Variants in IGF1R observed in about 807,000 individuals in gnomAD.
The protein encoded by IGF1R is insulin like growth factor 1 receptor.
In IGF1R, 44 loss-of-function variants were observed where a neutral mutation model predicts 144.6. That is an observed-to-expected ratio of 0.30 (90% CI 0.24 to 0.39). The LOEUF (loss-of-function observed/expected upper bound fraction) is 0.39, where lower values mean the gene tolerates loss of function less well. Ranked by LOEUF, IGF1R falls within the 10% of genes least tolerant of loss-of-function variation. IGF1R has a pLI of 1.00. For missense variants in IGF1R, 1,355 were observed against 1,833.7 expected (o/e 0.74, Z 4.77); for synonymous variants, 795 against 722.8 (o/e 1.10, Z -1.60).
intron 2 of IGF1R, among the ~76,000 whole-genome samples, chr15:98,754,330 T>C (rs1261639675): frequency 6.6e-6 from 1 of 152,236 alleles, no homozygotes; most frequent in Non-Finnish European, 1.5e-5. Context: ...TACTAGTGCT[T>C]CCTTTTTGTC....
chr15:98,699,088 C>T (rs10438474), intron 1 of IGF1R, among the ~76,000 whole-genome samples: 1,741 of 152,310 alleles, frequency 0.011, 28 homozygotes, highest in African/African-American at 0.04. Context: ...TTGAAAGTCA[C>T]GAGAGAGAGG....
At chr15:98,929,179 G>C (rs1420443219) in intron 13 of IGF1R, among the ~76,000 whole-genome samples, 4 of 151,980 alleles carry the variant, frequency 2.6e-5, no homozygotes, top group Non-Finnish European at 5.9e-5. Context: ...TGGGTACCGG[G>C]GACATGGACC....
At chr15:98,666,857 GT>G (rs2052755020) in intron 1 of IGF1R, among the ~76,000 whole-genome samples, 1 of 152,194 alleles carries the variant, frequency 6.6e-6, no homozygotes, top group Non-Finnish European at 1.5e-5. Context: ...ATCAGTGTCA[GT>G]GAACTATACA....
intron 1 of IGF1R, among the ~76,000 whole-genome samples, chr15:98,698,288 C>T (rs1403321494): frequency 3.3e-5 from 5 of 152,212 alleles, no homozygotes; most frequent in East Asian, 1.9e-4. Flanking sequence ...CCGCCTGCCT[C>T]GGCCTCCCAA....
At chr15:98,939,169 T>G in intron 17 of IGF1R, 32 bp from the exon 18 acceptor site, 2 of 1,603,854 alleles carry the variant, frequency 1.2e-6, no homozygotes. Context: ...AAATCCAAAA[T>G]TCTCATGTGA....
chr15:98,941,598 G>A (rs1197865159), intron 18 of IGF1R, among the ~76,000 whole-genome samples: 7 of 152,200 alleles, frequency 4.6e-5, no homozygotes, highest in Admixed American at 1.3e-4. Flanking sequence ...TTAATTCACA[G>A]ATAACACTTT....
chr15:98,693,293 G>A (rs1054767282), intron 1 of IGF1R, among the ~76,000 whole-genome samples: 18 of 152,212 alleles, frequency 1.2e-4, no homozygotes, highest in Admixed American at 1.2e-3. Flanking sequence ...CCTTGGAGTA[G>A]TGCCATTTCC....
chr15:98,708,543 A>G (rs2053920776), intron 2 of IGF1R, among the ~76,000 whole-genome samples: 1 of 152,208 alleles, frequency 6.6e-6, no homozygotes, highest in Non-Finnish European at 1.5e-5. Flanking sequence ...TTTGTTCTGC[A>G]GGACTTCCTT....
intron 1 of IGF1R, among the ~76,000 whole-genome samples, chr15:98,684,404 G>A (rs536934544): frequency 3.2e-4 from 49 of 151,554 alleles, no homozygotes; most frequent in Middle Eastern, 3.4e-3. Context: ...TTGCTAATGG[G>A]GGAGGTGGGG....
At chr15:98,651,203 G>A in intron 1 of IGF1R, 2 of 262,038 alleles carry the variant, frequency 7.6e-6, no homozygotes, top group Non-Finnish European at 1.2e-5. Flanking sequence ...CCCCATCACC[G>A]GGGCAATTCA....
chr15:98,707,493 A>G lies in IGF1R; in HGVS notation c.95-69A>G, dbSNP rs185348218. On this transcript the variant is annotated intron_variant, in intron 1 of 20. Transcript: ENST00000650285. This position sits in a 1 kb window ranked among gnomAD's most constrained non-coding sequence, Gnocchi z 6.7. ...AGGATTCCTGAAAACCAACTGTATT[A>G]TTGTTTGGAAAATAGTTTAAAAATT... is the stretch of plus-strand genomic sequence containing the variant. The G allele has an allele frequency of 6.9e-6, 10 of 1,445,116 alleles. No individual in the cohort carries two copies. The highest frequency in any genetic ancestry group is 1.9e-4 in the Middle Eastern group (1 of 5,398). The allele number at this position is 1,445,116 out of a possible 1,614,324, so 89.5% of individuals were successfully genotyped here.
At chr15:98,778,230 A>G (rs991201096) in intron 2 of IGF1R, among the ~76,000 whole-genome samples, 1 of 152,194 alleles carries the variant, frequency 6.6e-6, no homozygotes, top group Admixed American at 6.5e-5. Context: ...GTCATGCCAC[A>G]TGGTGACTGG....
intron 1 of IGF1R, among the ~76,000 whole-genome samples, chr15:98,654,587 A>T (rs1179263479): frequency 6.6e-6 from 1 of 152,154 alleles, no homozygotes; most frequent in Admixed American, 6.5e-5. Flanking sequence ...AGCATACAAG[A>T]TACATTTCTT....
chr15:98,939,646 G>C (rs45464492), intron 18 of IGF1R, among the ~76,000 whole-genome samples: 2,040 of 152,304 alleles, frequency 0.013, 31 homozygotes, highest in Non-Finnish European at 0.023. Flanking sequence ...CTTAGCATTG[G>C]TTACAGAAAT....
intron 2 of IGF1R, among the ~76,000 whole-genome samples, chr15:98,761,683 C>A (rs948444918): frequency 6.6e-6 from 1 of 152,244 alleles, no homozygotes; most frequent in African/African-American, 2.4e-5. Context: ...CATCCAGTGG[C>A]TTAGTGGTCT....
Position 98,707,487 on chromosome 15 carries a change from T to G in IGF1R, c.95-75T>G. On this transcript the variant is annotated intron_variant, in intron 1 of 20. Coordinates refer to ENST00000650285, the MANE Select transcript of IGF1R (RefSeq NM_000875.5). This position sits in a 1 kb window ranked among gnomAD's most constrained non-coding sequence, Gnocchi z 6.7. ...TAATACAGGATTCCTGAAAACCAAC[T>G]GTATTATTGTTTGGAAAATAGTTTA... is the stretch of plus-strand genomic sequence containing the variant. The G allele has an allele frequency of 7.2e-7, 1 of 1,391,776 alleles. No homozygotes were observed. The allele number at this position is 1,391,776 out of a possible 1,614,324, so 86.2% of individuals were successfully genotyped here.
At chr15:98,681,092 CAA>C (rs1026722587) in intron 1 of IGF1R, among the ~76,000 whole-genome samples, 3 of 152,210 alleles carry the variant, frequency 2.0e-5, no homozygotes, top group East Asian at 3.9e-4. Context: ...TCTGATCACA[CAA>C]TGATGAAATC....
intron 2 of IGF1R, among the ~76,000 whole-genome samples, chr15:98,810,414 G>T (rs1462752782): frequency 2.6e-5 from 4 of 152,096 alleles, no homozygotes; most frequent in African/African-American, 9.7e-5. Context: ...TTTTATTTTG[G>T]TCTCTTTGGA....
intron 13 of IGF1R, among the ~76,000 whole-genome samples, 157 bp downstream of exon 13, chr15:98,924,841 C>T (rs1215859412): frequency 6.6e-6 from 1 of 152,120 alleles, no homozygotes; most frequent in Non-Finnish European, 1.5e-5. Context: ...CATACCGGCA[C>T]TGTGTGTGAA....
Sources: gnomAD v4.1 joint callset for allele counts (sites outside exome capture counted in the v4.1 genomes callset) on GRCh38, gnomAD v4.1.1 for gene constraint, Gnocchi (gnomAD v3.1) non-coding constraint, MANE v1.5 for transcripts, NCBI Gene and HGNC (gene_info 2026-07-23, HGNC 2026-07-21) for gene names.